The following MTMR12 variants were observed in gnomAD, a reference collection of about 807,000 sequenced individuals.
MTMR12 encodes myotubularin-related protein 12.
Under a neutral mutation model 96.7 loss-of-function variants are expected in MTMR12, and 33 were observed. That is an observed-to-expected ratio of 0.34 (90% confidence interval 0.26 to 0.46). The LOEUF (loss-of-function observed/expected upper bound fraction) is 0.46. Ranked by LOEUF, MTMR12 falls within the 20% of genes least tolerant of loss-of-function variation. MTMR12 has a pLI of 1.00. For missense variants in MTMR12, 721 were observed against 896.1 expected, an observed-to-expected ratio of 0.80 and a Z score of 2.49; for synonymous variants, 298 against 327.2, an observed-to-expected ratio of 0.91 and a Z score of 0.96.
chr5:32,283,141 T>C (rs1750375083), intron 1 of MTMR12, among the ~76,000 whole-genome samples: 1 of 152,214 alleles, frequency 6.6e-6, no homozygotes, highest in Non-Finnish European at 1.5e-5. Context: ...GTTGTTTTCA[T>C]TGGCAAATTT....
Position 32,312,671 on chromosome 5 carries a change from G to A in MTMR12, c.81+87C>T. The A allele has an allele frequency of 8.3e-7, 1 of 1,206,944 alleles. No homozygotes were observed. The highest frequency in any genetic ancestry group is 1.1e-6 in the Non-Finnish European group (1 of 945,934). 74.8% of individuals were successfully genotyped at this position (1,206,944 alleles called of 1,614,324 possible). ...GCACAAGGGCAGGAAGCGCTCCGCG[G>A]CGCTCCCCGCTGCAAGGAAGGGGCT... is the stretch of plus-strand genomic sequence containing the variant. On this transcript the variant is annotated intron_variant, in intron 1 of 15. Coordinates refer to ENST00000382142, the MANE Select transcript of MTMR12 (RefSeq NM_001040446.3). This position sits in a 1 kb window ranked among gnomAD's most constrained non-coding sequence, Gnocchi z 5.0.
Position 32,307,580 on chromosome 5 carries a change from G to T in MTMR12, c.81+5178C>A, listed in dbSNP as rs1173245434. 2.0e-5 allele frequency among the ~76,000 whole-genome samples: 3 copies of T among 152,090 alleles called. No homozygotes were observed. The East Asian group carries it at 5.8e-4, about 29-fold the overall frequency. On this transcript the variant is annotated intron_variant, in intron 1 of 15. Transcript: ENST00000382142. ...AACATAATCAAAGGTCCAAAATTATGGTCCTATATACAAAATTATGGTTTT... is the reference window on the plus strand; with the variant it reads ...AACATAATCAAAGGTCCAAAATTATTGTCCTATATACAAAATTATGGTTTT...
chr5:32,238,841 T>C (rs1748342802), intron 13 of MTMR12, among the ~76,000 whole-genome samples, 160 bp downstream of exon 13: 1 of 152,238 alleles, frequency 6.6e-6, no homozygotes, highest in Non-Finnish European at 1.5e-5. Context: ...ATTTAAAGTA[T>C]CCAAAGTCAT....
intron 1 of MTMR12, among the ~76,000 whole-genome samples, chr5:32,277,845 G>C (rs1750120989): frequency 6.6e-6 from 1 of 152,148 alleles, no homozygotes; most frequent in South Asian, 2.1e-4. Flanking sequence ...GGTAAGAATA[G>C]GAAAACATGA....
chr5:32,300,215 T>C (rs116159808), intron 1 of MTMR12, among the ~76,000 whole-genome samples: 1,533 of 152,300 alleles, frequency 0.01, 23 homozygotes, highest in African/African-American at 0.035. Flanking sequence ...TTATTAATAA[T>C]AACAGCACCT....
chr5:32,262,343 G>A (rs1749394945), intron 7 of MTMR12, among the ~76,000 whole-genome samples: 1 of 152,192 alleles, frequency 6.6e-6, no homozygotes, highest in Admixed American at 6.5e-5. Flanking sequence ...GCTCATGCCT[G>A]TAATCCTAGA....
At chr5:32,275,776 G>C (rs78677287) in intron 2 of MTMR12, among the ~76,000 whole-genome samples, 2,075 of 152,154 alleles carry the variant, frequency 0.014, 53 homozygotes, top group African/African-American at 0.048. Context: ...ACACCAAGAA[G>C]AGAAAAACAA....
chr5:32,246,073 G>C (rs1748666414), intron 10 of MTMR12, among the ~76,000 whole-genome samples: 1 of 152,062 alleles, frequency 6.6e-6, no homozygotes, highest in African/African-American at 2.4e-5. Context: ...AAATGCTTCA[G>C]GATTTTGATC....
chr5:32,264,256 CTT>C (rs1749501438), intron 6 of MTMR12, among the ~76,000 whole-genome samples: 1 of 152,158 alleles, frequency 6.6e-6, no homozygotes, highest in Admixed American at 6.5e-5. Context: ...CCACAATAGT[CTT>C]GAGTATATAC....
At chr5:32,254,588 C>CTCACACCTGTAA (rs60319902) in intron 8 of MTMR12, among the ~76,000 whole-genome samples, 57,416 of 151,808 alleles carry the variant, frequency 0.38, 11,034 homozygotes, top group East Asian at 0.49. Context: ...GGCATGGTGG[C>CTCACACCTGTAA]TCTCAACACT....
At chr5:32,293,519 G>A (rs1380522562) in intron 1 of MTMR12, among the ~76,000 whole-genome samples, 1 of 152,136 alleles carries the variant, frequency 6.6e-6, no homozygotes, top group Non-Finnish European at 1.5e-5. Flanking sequence ...GTGGGACCCT[G>A]TGATCATGTA....
intron 1 of MTMR12, among the ~76,000 whole-genome samples, chr5:32,278,311 A>G (rs1750138504): frequency 6.6e-6 from 1 of 152,228 alleles, no homozygotes; most frequent in Admixed American, 6.5e-5. Context: ...CAGTGGGGAT[A>G]TAATCAGTCA....
At chr5:32,264,083 C>G (rs1362549219) in intron 6 of MTMR12, among the ~76,000 whole-genome samples, 1 of 152,098 alleles carries the variant, frequency 6.6e-6, no homozygotes, top group Non-Finnish European at 1.5e-5. Context: ...GCCTGCTAGC[C>G]AAGGCTGAAT....
intron 7 of MTMR12, chr5:32,255,980 C>T: frequency 2.6e-6 from 1 of 381,608 alleles, no homozygotes; most frequent in Non-Finnish European, 4.8e-6. Flanking sequence ...CAAACTGTGG[C>T]TCTGCCTGCA....
intron 1 of MTMR12, among the ~76,000 whole-genome samples, 196 bp from the exon 2 acceptor site, chr5:32,276,938 T>C (rs1052084498): frequency 3.0e-5 from 4 of 131,194 alleles, no homozygotes; most frequent in Admixed American, 9.3e-5. Context: ...CAGGCTGGAG[T>C]GCAGTGGCAC....
chr5:32,272,640 AAGT>A (rs1409449844), intron 3 of MTMR12, among the ~76,000 whole-genome samples: 1 of 152,098 alleles, frequency 6.6e-6, no homozygotes, highest in East Asian at 1.9e-4. Flanking sequence ...CAGCCTCCCA[AAGT>A]GCTGAGATTA....
intron 1 of MTMR12, among the ~76,000 whole-genome samples, chr5:32,292,876 G>T (rs547138119): frequency 1.2e-4 from 18 of 152,336 alleles, no homozygotes; most frequent in African/African-American, 4.3e-4. Context: ...GCAGAAATGA[G>T]AACTGTAATT....
At chr5:32,234,803 T>C (rs1450997171) in intron 14 of MTMR12, 159 bp downstream of exon 14, 2 of 598,120 alleles carry the variant, frequency 3.3e-6, no homozygotes, top group Admixed American at 6.4e-5. Flanking sequence ...CATGTCATCC[T>C]CTCGCAGGGG....
chr5:32,292,942 T>C (rs904312025), intron 1 of MTMR12, among the ~76,000 whole-genome samples: 1 of 152,272 alleles, frequency 6.6e-6, no homozygotes, highest in Non-Finnish European at 1.5e-5. Flanking sequence ...TATATACATG[T>C]TTTATTTCCT....
Sources: gnomAD v4.1 joint callset for allele counts (sites outside exome capture counted in the v4.1 genomes callset) on GRCh38, gnomAD v4.1.1 for gene constraint, Gnocchi (gnomAD v3.1) non-coding constraint, MANE v1.5 for transcripts, NCBI Gene and HGNC (gene_info 2026-07-23, HGNC 2026-07-21) for gene names.